The following MBNL2 variants were observed in gnomAD, a reference collection of about 807,000 sequenced individuals.
MBNL2 encodes the protein muscleblind like splicing regulator 2, also known as muscleblind-like protein 2.
Under a neutral mutation model 41.9 loss-of-function variants are expected in MBNL2, and 17 were observed. The observed-to-expected ratio is 0.41, with a 90% CI of 0.28 to 0.61. The LOEUF (loss-of-function observed/expected upper bound fraction) is 0.61. Ranked by LOEUF, MBNL2 falls within the 20% of genes least tolerant of loss-of-function variation. MBNL2 has a pLI of 0.35. For synonymous variants in MBNL2, 195 were observed against 182.9 expected (o/e 1.07, Z -0.53); for missense variants, 336 against 505.6 (o/e 0.66, Z 3.22).
intron 2 of MBNL2, among the ~76,000 whole-genome samples, chr13:97,294,205 CCTTT>C (rs2056659287): frequency 6.6e-6 from 1 of 152,154 alleles, no homozygotes. Context: ...TATCTACCTT[CCTTT>C]ATTTTCTTTT....
the MBNL2 span, among the ~76,000 whole-genome samples, chr13:97,151,583 G>T: frequency 6.6e-6 from 1 of 152,192 alleles, no homozygotes; most frequent in African/African-American, 2.4e-5. Flanking sequence ...CAAATGGACA[G>T]CATAAAGTCT....
intron 8 of MBNL2, among the ~76,000 whole-genome samples, chr13:97,370,677 AAAGAAAGAAAG>A (rs2064284275): frequency 6.6e-6 from 1 of 151,326 alleles, no homozygotes; most frequent in South Asian, 2.1e-4. Flanking sequence ...CAAAAAAAAA[AAAGAAAGAAAG>A]AAAGAAAGAA....
the MBNL2 span, among the ~76,000 whole-genome samples, chr13:97,143,400 C>A: frequency 6.6e-6 from 1 of 152,164 alleles, no homozygotes; most frequent in Non-Finnish European, 1.5e-5. Context: ...TCAACACTTC[C>A]TAAATTCCCC....
At chr13:97,353,109 G>C (rs1232707926) in intron 5 of MBNL2, among the ~76,000 whole-genome samples, 3 of 152,220 alleles carry the variant, frequency 2.0e-5, no homozygotes, top group Non-Finnish European at 4.4e-5. Flanking sequence ...GATTATTGCA[G>C]TGGATGCCAA....
intron 5 of MBNL2, among the ~76,000 whole-genome samples, chr13:97,347,774 C>T (rs1020617307): frequency 6.6e-6 from 1 of 152,272 alleles, no homozygotes; most frequent in East Asian, 1.9e-4. Flanking sequence ...CTCAGAATCT[C>T]GGAGAGCCTA....
At chr13:97,316,269 C>A (rs558983299) in intron 2 of MBNL2, among the ~76,000 whole-genome samples, 1 of 152,332 alleles carries the variant, frequency 6.6e-6, no homozygotes, top group South Asian at 2.1e-4. Context: ...TCCTCCACTG[C>A]CAGCAGCCTG....
Position 97,346,892 on chromosome 13 carries a change from C to A in MBNL2, c.629C>A (p.Thr210Lys). 2 of 1,614,056 alleles carry A rather than the reference C, an allele frequency of 1.2e-6. No homozygotes were observed. Among genetic ancestry groups the A allele is most frequent in the Non-Finnish European group, 1.7e-6 (2 of 1,179,904 alleles). ...CCCGCAGACAGCACCATGATCGACACAAGTGACAACACCGTAACCGTTTGT... is the reference window on the plus strand; with the variant it reads ...CCCGCAGACAGCACCATGATCGACAAAAGTGACAACACCGTAACCGTTTGT... ...AHPADSTMIDTSDNTVTVCMD... is the reference protein window; with the variant it reads ...AHPADSTMIDKSDNTVTVCMD... Residue 210 changes from threonine to lysine, a missense_variant, in exon 5 of 9, where the codon ACA becomes AAA. Coordinates refer to ENST00000679496, the MANE Select transcript of MBNL2 (RefSeq NM_001382683.1). The surrounding 1 kb of genome is among the most constrained non-coding windows in gnomAD (Gnocchi z 4.2).
At chr13:97,362,082 G>A (rs2063459718) in intron 7 of MBNL2, among the ~76,000 whole-genome samples, 1 of 151,864 alleles carries the variant, frequency 6.6e-6, no homozygotes, top group Non-Finnish European at 1.5e-5. Context: ...ATTTTTTTAT[G>A]AGTACAAGTT....
rs983301486 is a variant in MBNL2, at chr13:97,287,696, T to C, written c.174+11287T>C. ...CTTCTGATTATTATGTTTATTTCTTTCTATTTTTTCTTTTCTTTTCTTTTC... is the reference window on the plus strand; with the variant it reads ...CTTCTGATTATTATGTTTATTTCTTCCTATTTTTTCTTTTCTTTTCTTTTC... On this transcript the variant is annotated intron_variant, in intron 2 of 8. Transcript: ENST00000679496. Among the ~76,000 whole-genome samples the C allele has an allele frequency of 3.1e-4, 46 of 150,538 alleles. 1 individual carries two copies. The highest frequency in any genetic ancestry group is 1.1e-3 in the African/African-American group (46 of 40,898).
chr13:97,277,286 C>T (rs985524595), intron 2 of MBNL2, among the ~76,000 whole-genome samples: 1 of 152,128 alleles, frequency 6.6e-6, no homozygotes, highest in Non-Finnish European at 1.5e-5. Context: ...CTGAGATTGT[C>T]TAGGGCGTTC....
chr13:97,220,228 C>T (rs575432952), upstream of MBNL2, among the ~76,000 whole-genome samples: 1 of 152,266 alleles, frequency 6.6e-6, no homozygotes, highest in South Asian at 2.1e-4. Context: ...ATTTTGTGTG[C>T]ATTATCTTAA....
At chr13:97,257,785 G>T (rs1445647938) in intron 1 of MBNL2, among the ~76,000 whole-genome samples, 1 of 152,222 alleles carries the variant, frequency 6.6e-6, no homozygotes, top group Admixed American at 6.5e-5. Flanking sequence ...CCATTCACAG[G>T]ATTTAGGGGG....
At chr13:97,184,692 AG>A in the MBNL2 span, among the ~76,000 whole-genome samples, 2 of 152,174 alleles carry the variant, frequency 1.3e-5, no homozygotes, top group Non-Finnish European at 2.9e-5. Context: ...CATCTTGGCC[AG>A]GCTGTTCTTG....
At chr13:97,357,707 T>C in intron 7 of MBNL2, 72 bp downstream of exon 7, 1 of 1,463,568 alleles carries the variant, frequency 6.8e-7, no homozygotes, top group Non-Finnish European at 9.5e-7. Context: ...TCTAAGCTGT[T>C]TGGTGGCATC....
intron 8 of MBNL2, among the ~76,000 whole-genome samples, chr13:97,371,670 T>A (rs376337300): frequency 6.6e-6 from 1 of 152,086 alleles, no homozygotes; most frequent in East Asian, 1.9e-4. Flanking sequence ...CGGGAGAGTC[T>A]GTAGAGGCCA....
intron 2 of MBNL2, among the ~76,000 whole-genome samples, chr13:97,333,748 A>G (rs980927874): frequency 1.3e-5 from 2 of 152,184 alleles, no homozygotes; most frequent in African/African-American, 4.8e-5. Flanking sequence ...TCATATTTGG[A>G]CATCACTCTA....
At chr13:97,185,537 TGATAAGAGGGA>T in the MBNL2 span, among the ~76,000 whole-genome samples, 1 of 152,216 alleles carries the variant, frequency 6.6e-6, no homozygotes, top group Non-Finnish European at 1.5e-5. Flanking sequence ...ACAATGGACC[TGATAAGAGGGA>T]GATAAGAGGG....
chr13:97,371,884 C>T (rs1032419363), intron 8 of MBNL2, among the ~76,000 whole-genome samples: 2 of 152,222 alleles, frequency 1.3e-5, no homozygotes, highest in African/African-American at 4.8e-5. Context: ...TCAGTCCCTG[C>T]CAGCACAGCA....
intron 2 of MBNL2, among the ~76,000 whole-genome samples, chr13:97,285,572 G>C (rs146045873): frequency 6.6e-6 from 1 of 152,140 alleles, no homozygotes; most frequent in Non-Finnish European, 1.5e-5. Flanking sequence ...GAATCTTGGC[G>C]ATCAATTAAA....
Sources: allele counts gnomAD v4.1 joint callset (sites outside exome capture counted in the v4.1 genomes callset), GRCh38; gene constraint gnomAD v4.1.1; non-coding constraint Gnocchi (gnomAD v3.1); transcripts MANE v1.5; gene names NCBI Gene and HGNC (gene_info 2026-07-23, HGNC 2026-07-21).